The following APPL2 variants were observed in gnomAD, a reference collection of about 807,000 sequenced individuals.
APPL2 encodes the protein adaptor protein, phosphotyrosine interacting with PH domain and leucine zipper 2, also known as DCC-interacting protein 13-beta.
APPL2 carries 84 observed loss-of-function variants against 92.7 expected under a neutral mutation model. The ratio of observed to expected loss-of-function variants is 0.91; its 90% CI spans 0.76 to 1.09. The LOEUF (loss-of-function observed/expected upper bound fraction) is 1.09, where lower values mean the gene tolerates loss of function less well. Ranked by LOEUF, APPL2 falls within the 50% of genes least tolerant of loss-of-function variation. The probability of loss-of-function intolerance (pLI) is 0.00; values close to 1 mark genes in which losing one functional copy is unlikely to be tolerated. For missense variants in APPL2, 736 were observed against 824.5 expected, an observed-to-expected ratio of 0.89 and a Z score of 1.31; for synonymous variants, 291 against 291.0, an observed-to-expected ratio of 1.00 and a Z score of 0.00.
chr12:105,229,141 C>T lies in APPL2; in HGVS notation c.137G>A (p.Arg46His), dbSNP rs149470075. Residue 46 changes from arginine to histidine, a missense_variant, in exon 2 of 21, where the codon CGC (arginine) becomes CAC (histidine). Transcript: ENST00000258530. The stretch of plus-strand genomic sequence containing the variant: ...GCAGCATACCTGGGCTCCATAGACG[C>T]GCTGCATTGCCTGGAGCAGCTGGTT... Reference protein sequence around the residue: ...YTNQLLQAMQRVYGAQNEMCL... With the variant: ...YTNQLLQAMQHVYGAQNEMCL... 64 of 1,612,166 alleles carry T rather than the reference C, an allele frequency of 4.0e-5. No individual in the cohort carries two copies. The highest frequency in any genetic ancestry group is 4.4e-5 in the Non-Finnish European group (52 of 1,179,364).
At chr12:105,189,871 A>G (rs1274251475) in intron 15 of APPL2, 47 bp from the exon 16 acceptor site, 1 of 1,612,634 alleles carries the variant, frequency 6.2e-7, no homozygotes, top group Admixed American at 1.7e-5. Flanking sequence ...TGCAGCTAGA[A>G]GGGCACTTAA....
intron 9 of APPL2, among the ~76,000 whole-genome samples, chr12:105,202,548 C>G (rs972007553): frequency 2.6e-5 from 4 of 152,162 alleles, no homozygotes; most frequent in Non-Finnish European, 5.9e-5. Context: ...GAGGAAGAGA[C>G]AGTGAAAGAT....
In APPL2 at chr12:105,220,762, G is replaced by A. The variant is rs1890037142; in HGVS notation, c.154-3037C>T. Among the ~76,000 whole-genome samples, 3 of 152,182 alleles carry A rather than the reference G, an allele frequency of 2.0e-5. No individual in the cohort carries two copies. In the South Asian group the frequency reaches 6.2e-4, roughly 32 times the overall value. On this transcript the variant is annotated intron_variant, in intron 2 of 20. Transcript: ENST00000258530. ...CTGCCAGCATCAGGCTGTACCCAAA[G>A]CTCAAGGGGAGAGCACTCATGTGCC...
intron 1 of APPL2, among the ~76,000 whole-genome samples, chr12:105,234,173 A>G (rs1891099563): frequency 6.6e-6 from 1 of 152,236 alleles, no homozygotes; most frequent in East Asian, 1.9e-4. Context: ...GGAACATATT[A>G]AATAAGAATG....
intron 11 of APPL2, among the ~76,000 whole-genome samples, chr12:105,197,211 G>C (rs748659873): frequency 3.9e-5 from 6 of 152,196 alleles, no homozygotes; most frequent in Non-Finnish European, 7.3e-5. Flanking sequence ...GGGATCTACT[G>C]TGAATGGCCA....
chr12:105,203,685 G>A lies in APPL2; in HGVS notation c.704+18C>T, dbSNP rs1055324084. The A allele has an allele frequency of 6.2e-7, 1 of 1,613,280 alleles. No homozygotes were observed. Among genetic ancestry groups the A allele is most frequent in the Non-Finnish European group, 8.5e-7 (1 of 1,179,194 alleles). On this transcript the variant is annotated intron_variant, in intron 9 of 20. Coordinates refer to ENST00000258530, the MANE Select transcript of APPL2 (RefSeq NM_018171.5). ...AAAGGCAAGGGGCACACAAGACCCGGCCGGAGTGCAGCATTACCTTTGAAC... is the reference window on the plus strand; with the variant it reads ...AAAGGCAAGGGGCACACAAGACCCGACCGGAGTGCAGCATTACCTTTGAAC...
intron 9 of APPL2, 91 bp from the exon 10 acceptor site, chr12:105,199,622 A>G: frequency 7.1e-7 from 1 of 1,412,658 alleles, no homozygotes; most frequent in East Asian, 2.4e-5. Flanking sequence ...CACCCCCGCA[A>G]AGCTTCCGGC....
chr12:105,194,172 A>G (rs1027813700), intron 14 of APPL2, among the ~76,000 whole-genome samples: 1 of 152,210 alleles, frequency 6.6e-6, no homozygotes, highest in East Asian at 1.9e-4. Context: ...CACCAAATAT[A>G]GTCGTAATTT....
chr12:105,186,279 T>C (rs1031804144), intron 17 of APPL2, among the ~76,000 whole-genome samples: 8 of 152,186 alleles, frequency 5.3e-5, no homozygotes, highest in African/African-American at 9.6e-5. Flanking sequence ...AGCATCTCTT[T>C]TGAGCATCAA....
At chr12:105,213,784 C>A (rs888925109) in intron 4 of APPL2, among the ~76,000 whole-genome samples, 1 of 152,226 alleles carries the variant, frequency 6.6e-6, no homozygotes, top group Non-Finnish European at 1.5e-5. Context: ...CAGATTTAGG[C>A]CCCACCTGGG....
At chr12:105,201,754 C>G (rs1003096268) in intron 9 of APPL2, among the ~76,000 whole-genome samples, 1 of 152,022 alleles carries the variant, frequency 6.6e-6, no homozygotes, top group Non-Finnish European at 1.5e-5. Context: ...TTATATATAT[C>G]TGTTGATATA....
rs1891050101 is a variant in APPL2, at chr12:105,233,276, T to C, written c.54+2683A>G. On this transcript the variant is annotated intron_variant, in intron 1 of 20. Coordinates refer to ENST00000258530, the MANE Select transcript of APPL2 (RefSeq NM_018171.5). The stretch of plus-strand genomic sequence containing the variant: ...TCTTCACATTCCCAACAGCCAGTAG[T>C]GCCAGGCAAGGAGCAGAGGCTTCTA... 1.1e-5 allele frequency: 11 copies of C among 985,490 alleles called. No individual in the cohort carries two copies. In the South Asian group the frequency reaches 1.4e-4, roughly 13 times the overall value. 61.0% of individuals were successfully genotyped at this position (985,490 alleles called of 1,614,324 possible). A position where few individuals can be genotyped will look rare whatever the true frequency, so the allele number is the denominator to read the frequency against.
chr12:105,220,024 G>C (rs1566092859), intron 2 of APPL2, among the ~76,000 whole-genome samples: 2 of 152,208 alleles, frequency 1.3e-5, no homozygotes, highest in Non-Finnish European at 2.9e-5. Context: ...CCCTGTAAAA[G>C]CAGGTTCTAA....
Position 105,226,436 on chromosome 12 carries a change from T to C in APPL2, c.153+2689A>G, listed in dbSNP as rs971596263. Among the ~76,000 whole-genome samples the C allele has an allele frequency of 2.2e-4, 34 of 152,292 alleles. 1 individual carries two copies. Among genetic ancestry groups the C allele is most frequent in the Non-Finnish European group, 1.2e-4 (8 of 68,014 alleles). On this transcript the variant is annotated intron_variant, in intron 2 of 20. Transcript: ENST00000258530. ...CACGTGATGATCATATGCTGCGCAT[T>C]AAAAGCTGGGTTACAGCCTCTAGGA...
intron 1 of APPL2, chr12:105,233,161 C>T (rs1566106488): frequency 6.1e-6 from 6 of 985,468 alleles, no homozygotes; most frequent in Non-Finnish European, 7.2e-6. Flanking sequence ...GTTCCTATCG[C>T]AGCAGGATTC....
At chr12:105,182,557 T>G (rs1030681439) in intron 17 of APPL2, among the ~76,000 whole-genome samples, 2 of 152,256 alleles carry the variant, frequency 1.3e-5, no homozygotes, top group African/African-American at 4.8e-5. Context: ...TCCATGTAGT[T>G]GTGCAGTTTT....
At chr12:105,219,086 T>C (rs888755220) in intron 2 of APPL2, among the ~76,000 whole-genome samples, 8 of 152,348 alleles carry the variant, frequency 5.3e-5, no homozygotes, top group African/African-American at 1.7e-4. Context: ...ATGGCACAGA[T>C]GATGGGAGGA....
intron 2 of APPL2, among the ~76,000 whole-genome samples, chr12:105,228,624 A>C (rs1239992906): frequency 2.0e-5 from 3 of 152,254 alleles, no homozygotes; most frequent in Middle Eastern, 3.4e-3. Context: ...GCTACTCAGC[A>C]ATTTCTTTTG....
At chr12:105,220,838 CGTG>C (rs1555256426) in intron 2 of APPL2, among the ~76,000 whole-genome samples, 2 of 152,216 alleles carry the variant, frequency 1.3e-5, no homozygotes, top group Non-Finnish European at 2.9e-5. Flanking sequence ...AGGGGCACAG[CGTG>C]CAACACACAA....
Sources: gnomAD v4.1 joint callset for allele counts (sites outside exome capture counted in the v4.1 genomes callset) on GRCh38, gnomAD v4.1.1 for gene constraint, MANE v1.5 for transcripts, NCBI Gene and HGNC (gene_info 2026-07-23, HGNC 2026-07-21) for gene names.